ANK2: variants seen among roughly 807,000 people sequenced by gnomAD.
ANK2 encodes ankyrin 2.
In ANK2, 83 loss-of-function variants were observed where a neutral mutation model predicts 360.5. That is an observed-to-expected ratio of 0.23 (90% CI 0.19 to 0.28). The LOEUF (loss-of-function observed/expected upper bound fraction) is 0.28. Among genes scored for constraint, ANK2 ranks in the 10% least tolerant of loss-of-function variants. The pLI is 1.00. For synonymous variants in ANK2, 1,740 were observed against 1,759.5 expected, an observed-to-expected ratio of 0.99 and a Z score of 0.28; for missense variants, 4,201 against 4,795.7, an observed-to-expected ratio of 0.88 and a Z score of 3.66.
intron 1 of ANK2, among the ~76,000 whole-genome samples, chr4:113,080,667 G>T (rs865832193): frequency 1.3e-5 from 2 of 152,208 alleles, no homozygotes; most frequent in Middle Eastern, 3.4e-3. Context: ...GAAGTTTGTT[G>T]CATTCATTCC....
At chr4:113,293,994 T>C (rs1298884197) in intron 22 of ANK2, among the ~76,000 whole-genome samples, 1 of 152,226 alleles carries the variant, frequency 6.6e-6, no homozygotes, top group Non-Finnish European at 1.5e-5. Context: ...GTGAGAGCAA[T>C]TCATCCTTAC....
At chr4:112,753,084 T>C in the ANK2 span, among the ~76,000 whole-genome samples, 1 of 152,206 alleles carries the variant, frequency 6.6e-6, no homozygotes, top group African/African-American at 2.4e-5. Context: ...TTCCCAGGTC[T>C]CCATCCCATA....
chr4:113,020,784 C>T (rs1257256429), intron 2 of ANK2, among the ~76,000 whole-genome samples: 1 of 148,842 alleles, frequency 6.7e-6, no homozygotes, highest in African/African-American at 2.5e-5. Context: ...CAAGATCACG[C>T]CACTGCATTC....
intron 2 of ANK2, among the ~76,000 whole-genome samples, chr4:112,963,839 A>C (rs2035968629): frequency 6.6e-6 from 1 of 152,118 alleles, no homozygotes; most frequent in Non-Finnish European, 1.5e-5. Flanking sequence ...GAAATTTAAT[A>C]AAAATAACAC....
intron 26 of ANK2, among the ~76,000 whole-genome samples, chr4:113,322,450 C>CAAGAATTTTAATTTTAATTTTACAATTAA (rs1563748232): frequency 6.6e-6 from 1 of 152,150 alleles, no homozygotes; most frequent in African/African-American, 2.4e-5. Context: ...TAATCTTGGG[C>CAAGAATTTTAATTTTAATTTTACAATTAA]AAGAATTTTA....
rs2094846005 is a variant in ANK2 at position 112,950,205 on chromosome 4, T to C, written c.21+45691T>C. Among the ~76,000 whole-genome samples the C allele has an allele frequency of 2.0e-5, 3 of 152,186 alleles. No individual in the cohort carries two copies. In the South Asian group the frequency reaches 6.2e-4, roughly 32 times the overall value. ...TTTTTGAGGTCAGATACCTAATCTA[T>C]GCCTTTTTTCCCCCAGTGCCTATTT... is the stretch of plus-strand genomic sequence containing the variant. On this transcript the variant is annotated intron_variant, in intron 2 of 30. Coordinates refer to the ANK2 transcript ENST00000503271.
chr4:113,317,551 A>T, intron 24 of ANK2, 156 bp from the exon 25 acceptor site: 1 of 686,940 alleles, frequency 1.5e-6, no homozygotes, highest in East Asian at 2.7e-5. Context: ...CAGCTGTTGG[A>T]CAAAAAGGTA....
chr4:113,372,629 C>T lies in ANK2; in HGVS notation c.11611-461C>T, dbSNP rs972600941. 8 of 1,529,994 alleles carry T rather than the reference C, an allele frequency of 5.2e-6. No individual in the cohort carries two copies. In the African/African-American group the frequency reaches 5.5e-5, roughly 10 times the overall value. 94.8% of individuals were successfully genotyped at this position (1,529,994 alleles called of 1,614,324 possible). The stretch of plus-strand genomic sequence containing the variant: ...CCGCCGGCGAGTGATTATTCAGGTA[C>T]CCACTGTTAAATTACTGCACGTCAG... On this transcript the variant is annotated intron_variant, in intron 43 of 45. Coordinates refer to ENST00000357077, the MANE Select transcript of ANK2 (RefSeq NM_001148.6).
chr4:113,088,875 T>A (rs17045534), intron 1 of ANK2, among the ~76,000 whole-genome samples: 17,483 of 152,158 alleles, frequency 0.11, 1,226 homozygotes, highest in African/African-American at 0.19. Context: ...ACACTGCTCC[T>A]CCCTATCATG....
chr4:113,043,313 A>G (rs2063426592), intron 2 of ANK2, among the ~76,000 whole-genome samples: 2 of 152,140 alleles, frequency 1.3e-5, no homozygotes, highest in African/African-American at 4.8e-5. Context: ...TATGGAAAAG[A>G]AGAAGTATAG....
At chr4:112,736,297 T>C in the ANK2 span, among the ~76,000 whole-genome samples, 5 of 152,018 alleles carry the variant, frequency 3.3e-5, no homozygotes, top group Admixed American at 6.6e-5. Context: ...ACCCCATCTC[T>C]ACTAATATAC....
chr4:113,225,298 C>G (rs929658971), intron 4 of ANK2, among the ~76,000 whole-genome samples: 1 of 151,986 alleles, frequency 6.6e-6, no homozygotes, highest in Non-Finnish European at 1.5e-5. Context: ...ATGTCTGGAG[C>G]CTTAAATGAT....
chr4:113,364,998 A>G (rs2154052315), intron 40 of ANK2, 41 bp from the exon 41 acceptor site: 3 of 1,612,602 alleles, frequency 1.9e-6, no homozygotes, highest in Non-Finnish European at 2.5e-6. Context: ...TTTTAAGAGT[A>G]CCTCTCAGAC....
At chr4:113,198,913 G>A (rs2098790154) in intron 3 of ANK2, 98 bp from the exon 4 acceptor site, 8 of 972,008 alleles carry the variant, frequency 8.2e-6, no homozygotes, top group African/African-American at 3.3e-5. Flanking sequence ...AATTTTAATC[G>A]GTTAAAGTGA....
At chr4:112,728,023 G>A in the ANK2 span, among the ~76,000 whole-genome samples, 1 of 151,188 alleles carries the variant, frequency 6.6e-6, no homozygotes, top group African/African-American at 2.4e-5. Context: ...GGCCGGGTGC[G>A]GTGGCTCATG....
intron 2 of ANK2, among the ~76,000 whole-genome samples, chr4:112,987,541 G>T (rs888644277): frequency 6.6e-6 from 1 of 152,046 alleles, no homozygotes; most frequent in Non-Finnish European, 1.5e-5. Flanking sequence ...ATTGCTTGTG[G>T]CAGGACAAGG....
chr4:113,052,983 G>C lies in ANK2; in HGVS notation c.84+3171G>C, dbSNP rs145222927. Among the ~76,000 whole-genome samples, 632 of 152,294 alleles carry C rather than the reference G, an allele frequency of 4.1e-3. 7 individuals carry two copies. The highest frequency in any genetic ancestry group is 0.015 in the African/African-American group (622 of 41,564). On this transcript the variant is annotated intron_variant, in intron 1 of 45. Transcript: ENST00000357077. The stretch of plus-strand genomic sequence containing the variant: ...AGCGTTACTAAAGCTATAGTTGTAA[G>C]GAGGCAGTAATCTCATTTGGCAAGA...
At chr4:113,196,673 G>A (rs757411506) in intron 3 of ANK2, among the ~76,000 whole-genome samples, 3 of 151,948 alleles carry the variant, frequency 2.0e-5, no homozygotes, top group Admixed American at 6.6e-5. Context: ...GACTACAGGC[G>A]TGCGCCACCA....
intron 1 of ANK2, among the ~76,000 whole-genome samples, chr4:112,853,859 A>G (rs1186625404): frequency 6.6e-6 from 1 of 152,236 alleles, no homozygotes; most frequent in African/African-American, 2.4e-5. Flanking sequence ...AATGGCCACA[A>G]GATGGTGTAG....
Sources: allele counts gnomAD v4.1 joint callset (sites outside exome capture counted in the v4.1 genomes callset), GRCh38; gene constraint gnomAD v4.1.1; transcripts MANE v1.5; gene names NCBI Gene and HGNC (gene_info 2026-07-23, HGNC 2026-07-21).